Variants in MAST4 observed in about 807,000 individuals in gnomAD.
The protein encoded by MAST4 is microtubule associated serine/threonine kinase family member 4.
A neutral mutation model predicts 162.7 loss-of-function variants in MAST4; 89 were observed. The observed-to-expected ratio is 0.55, with a 90% CI of 0.46 to 0.65. MAST4 has a LOEUF of 0.65. MAST4 is among the 30% of genes least tolerant of loss of function. The pLI is 0.00. For synonymous variants in MAST4, 1,479 were observed against 1,361.1 expected (o/e 1.09, Z -1.91); for missense variants, 3,153 against 3,374.0 (o/e 0.93, Z 1.62).
At chr5:67,126,568 A>G (rs1459450764) in intron 14 of MAST4, among the ~76,000 whole-genome samples, 1 of 152,038 alleles carries the variant, frequency 6.6e-6, no homozygotes, top group Non-Finnish European at 1.5e-5. Context: ...ATATGGCATT[A>G]TTTCTGAGCC....
chr5:67,004,919 T>C, intron 4 of MAST4: 1 of 703,020 alleles, frequency 1.4e-6, no homozygotes, highest in South Asian at 1.5e-5. Flanking sequence ...TGGCCTTGTC[T>C]TTCTTCCTTT....
chr5:66,826,660 G>A (rs1267867371), intron 3 of MAST4, among the ~76,000 whole-genome samples: 1 of 150,828 alleles, frequency 6.6e-6, no homozygotes, highest in Non-Finnish European at 1.5e-5. Context: ...CCCTCCTCTA[G>A]ACCCTAGTTT....
chr5:66,994,703 A>C (rs1750436280), intron 4 of MAST4, among the ~76,000 whole-genome samples: 1 of 152,250 alleles, frequency 6.6e-6, no homozygotes, highest in Non-Finnish European at 1.5e-5. Flanking sequence ...AACTATATAC[A>C]GACAGTTTAA....
Position 67,090,218 on chromosome 5 carries a change from TCATTTG to T in MAST4, c.823_828del (p.Phe275_Ala276del). ...CTCCCCCAGTGCCTCAGCCCATTTT[TCATTTG>T]CACGGAGGTAAGGACTTTTTGTGAG... On this transcript the variant is annotated inframe_deletion, in exon 6 of 29. Coordinates refer to ENST00000403625, the MANE Select transcript of MAST4 (RefSeq NM_001164664.2). The T allele has an allele frequency of 6.2e-7, 1 of 1,612,678 alleles. No individual in the cohort carries two copies. Among genetic ancestry groups the T allele is most frequent in the South Asian group, 1.1e-5 (1 of 90,892 alleles).
intron 3 of MAST4, among the ~76,000 whole-genome samples, chr5:66,855,032 G>C (rs1759574726): frequency 6.6e-6 from 1 of 152,194 alleles, no homozygotes; most frequent in Non-Finnish European, 1.5e-5. Context: ...TTCACATGCT[G>C]TTTGACACTC....
At chr5:66,804,071 A>G (rs576033429) in intron 3 of MAST4, among the ~76,000 whole-genome samples, 1 of 152,280 alleles carries the variant, frequency 6.6e-6, no homozygotes, top group South Asian at 2.1e-4. Context: ...AGAAAAAAAT[A>G]CAACATTATC....
rs146490368 is a variant in MAST4, at chr5:66,801,919, G to A, written c.642+13125G>A. 1.3e-3 allele frequency among the ~76,000 whole-genome samples: 202 copies of A among 152,194 alleles called. 5 individuals carry two copies. In the East Asian group the frequency reaches 0.032, roughly 24 times the overall value. Reference sequence around the variant, plus strand: ...GAAAAGCTGCAGAATTTATAACTAAGATAACAAATAATTGTCAGCAAATAA... The same window carrying A: ...GAAAAGCTGCAGAATTTATAACTAAAATAACAAATAATTGTCAGCAAATAA... On this transcript the variant is annotated intron_variant, in intron 3 of 28. Transcript: ENST00000403625.
At chr5:66,766,693 A>T (rs1156539222) in intron 2 of MAST4, among the ~76,000 whole-genome samples, 1 of 152,218 alleles carries the variant, frequency 6.6e-6, no homozygotes, top group East Asian at 1.9e-4. Flanking sequence ...AAGATAATTT[A>T]TATAAAGTAT....
chr5:66,920,026 G>A (rs778298456), intron 4 of MAST4, among the ~76,000 whole-genome samples: 21 of 147,584 alleles, frequency 1.4e-4, no homozygotes, highest in Admixed American at 4.8e-4. Context: ...TGCTTTTAAT[G>A]ATGTGTGGAA....
intron 1 of MAST4, among the ~76,000 whole-genome samples, chr5:66,640,261 T>G (rs1417091179): frequency 6.6e-6 from 1 of 152,186 alleles, no homozygotes. Flanking sequence ...TCTTGAGGGC[T>G]AATATTCCAC....
At chr5:66,641,599 T>C (rs1425381700) in intron 1 of MAST4, among the ~76,000 whole-genome samples, 1 of 152,212 alleles carries the variant, frequency 6.6e-6, no homozygotes, top group Non-Finnish European at 1.5e-5. Context: ...AACTAGGCTT[T>C]CTGGGAGAAA....
intron 3 of MAST4, among the ~76,000 whole-genome samples, chr5:66,830,992 G>A (rs1757559591): frequency 2.0e-5 from 3 of 152,164 alleles, no homozygotes; most frequent in Admixed American, 2.0e-4. Flanking sequence ...CCCTCTTGGT[G>A]TCTGTGTATT....
At chr5:66,782,000 T>G (rs752320060) in intron 2 of MAST4, among the ~76,000 whole-genome samples, 5 of 152,138 alleles carry the variant, frequency 3.3e-5, no homozygotes, top group Admixed American at 6.6e-5. Context: ...AAAGCATGTA[T>G]CGTGGCTGGG....
intron 1 of MAST4, among the ~76,000 whole-genome samples, chr5:66,664,732 C>A (rs9291872): frequency 0.27 from 41,341 of 151,294 alleles, 7,284 homozygotes; most frequent in African/African-American, 0.48. Context: ...GAATAGAAAC[C>A]TACAATTCAG....
intron 1 of MAST4, among the ~76,000 whole-genome samples, chr5:66,628,895 A>T (rs189728136): frequency 6.6e-6 from 1 of 152,188 alleles, no homozygotes; most frequent in African/African-American, 2.4e-5. Context: ...TAGTGAACAT[A>T]CAGTGTCCTC....
chr5:66,832,223 T>G (rs1205393698), intron 3 of MAST4, among the ~76,000 whole-genome samples: 1 of 152,136 alleles, frequency 6.6e-6, no homozygotes, highest in East Asian at 1.9e-4. Flanking sequence ...CAATTAAATA[T>G]TACCATTTCC....
In MAST4 at chr5:66,997,454, TAG is replaced by T. The variant is rs573170452; in HGVS notation, c.675-56947_675-56946del. ...TTCTCTTTTTTTTTTTTTTTTGAGATAGAGTTTCACTCTATTGCCCAGGCTGG... is the reference window on the plus strand; with the variant it reads ...TTCTCTTTTTTTTTTTTTTTTGAGATAGTTTCACTCTATTGCCCAGGCTGG... On this transcript the variant is annotated intron_variant, in intron 4 of 28. Coordinates refer to ENST00000403625, the MANE Select transcript of MAST4 (RefSeq NM_001164664.2). Among the ~76,000 whole-genome samples the T allele has an allele frequency of 6.1e-3, 899 of 148,290 alleles. 5 individuals are homozygous for T. Among genetic ancestry groups the T allele is most frequent in the Middle Eastern group, 0.028 (8 of 288 alleles).
chr5:67,044,622 C>T (rs1388032119), intron 4 of MAST4, among the ~76,000 whole-genome samples: 1 of 152,082 alleles, frequency 6.6e-6, no homozygotes, highest in Non-Finnish European at 1.5e-5. Flanking sequence ...TCAAGTTATC[C>T]TCCAGCCTCG....
chr5:66,806,278 G>C (rs1756182347), intron 3 of MAST4, among the ~76,000 whole-genome samples: 1 of 152,200 alleles, frequency 6.6e-6, no homozygotes, highest in Admixed American at 6.5e-5. Context: ...GGCTTGGGCA[G>C]GATTGAATGG....
Sources: allele counts gnomAD v4.1 joint callset (sites outside exome capture counted in the v4.1 genomes callset), GRCh38; gene constraint gnomAD v4.1.1; transcripts MANE v1.5; gene names NCBI Gene and HGNC (gene_info 2026-07-23, HGNC 2026-07-21).